The following RFK variants were observed in gnomAD, a reference collection of about 807,000 sequenced individuals.
The protein encoded by RFK is riboflavin kinase.
RFK carries 4 observed loss-of-function variants against 17.6 expected under a neutral mutation model. That is an observed-to-expected ratio of 0.23 (90% confidence interval 0.11 to 0.52). The LOEUF (loss-of-function observed/expected upper bound fraction) is 0.52, where lower values mean the gene tolerates loss of function less well. Ranked by LOEUF, RFK falls within the 20% of genes least tolerant of loss-of-function variation. The probability of loss-of-function intolerance (pLI) is 0.96; values close to 1 mark genes in which losing one functional copy is unlikely to be tolerated. For synonymous variants in RFK, 59 were observed against 63.8 expected, an observed-to-expected ratio of 0.92 and a Z score of 0.36; for missense variants, 189 against 187.7, an observed-to-expected ratio of 1.01 and a Z score of -0.04.
intron 2 of RFK, among the ~76,000 whole-genome samples, chr9:76,390,359 T>C (rs778302114): frequency 7.9e-5 from 12 of 152,140 alleles, no homozygotes; most frequent in Non-Finnish European, 1.8e-4. Context: ...TTGAACTGGA[T>C]TGTATTAAAA....
At chr9:76,388,068 A>G in intron 3 of RFK, 1 of 346,450 alleles carries the variant, frequency 2.9e-6, no homozygotes, top group Non-Finnish European at 5.6e-6. Flanking sequence ...ATAAATGTAC[A>G]CTGCAAATAT....
chr9:76,392,947 G>T (rs1822836257), intron 1 of RFK, among the ~76,000 whole-genome samples: 1 of 152,098 alleles, frequency 6.6e-6, no homozygotes, highest in Admixed American at 6.6e-5. Flanking sequence ...TCACATGCAA[G>T]GCTAATGTAA....
At chr9:76,389,588 G>A (rs926031310) in intron 2 of RFK, among the ~76,000 whole-genome samples, 6 of 151,894 alleles carry the variant, frequency 4.0e-5, no homozygotes, top group Admixed American at 2.0e-4. Flanking sequence ...GGTGGAACCC[G>A]GTACTCTACT....
chr9:76,387,065 G>T lies in RFK; in HGVS notation c.*334C>A. Reference sequence around the variant, plus strand: ...GTACACACTACACAAGTACATACATGCTGGCATTTTACCATGAAAATTTTA... The same window carrying T: ...GTACACACTACACAAGTACATACATTCTGGCATTTTACCATGAAAATTTTA... On this transcript the variant is annotated 3_prime_UTR_variant, in exon 4 of 4. Transcript: ENST00000376736. 1 of 196,050 alleles carries T rather than the reference G, an allele frequency of 5.1e-6. No individual in the cohort carries two copies. The highest frequency in any genetic ancestry group is 5.5e-5 in the Admixed American group (1 of 18,318). 12.1% of individuals were successfully genotyped at this position (196,050 alleles called of 1,614,324 possible).
At chr9:76,388,727 GT>G in intron 2 of RFK, 71 bp from the exon 3 acceptor site, 1 of 824,406 alleles carries the variant, frequency 1.2e-6, no homozygotes, top group Non-Finnish European at 2.0e-6. Flanking sequence ...ACATCTTCAT[GT>G]TTATGGTGAG....
At chr9:76,388,360 C>T in intron 3 of RFK, 194 bp downstream of exon 3, 1 of 641,456 alleles carries the variant, frequency 1.6e-6, no homozygotes, top group East Asian at 2.9e-5. Flanking sequence ...GTGCCATTTC[C>T]TCATCTGAGA....
chr9:76,388,559 G>C lies in RFK; in HGVS notation c.332C>G (p.Ser111Cys). 1.3e-6 allele frequency: 2 copies of C among 1,593,608 alleles called. No individual in the cohort carries two copies. The highest frequency in any genetic ancestry group is 2.2e-5 in the East Asian group (1 of 44,794). The change falls in exon 3 of 4, where the codon TCT (serine) becomes TGT (cysteine). Residue 111 changes from serine to cysteine, a missense_variant. This residue lies in a region of RFK where 95 missense variants were observed against 95.7 expected (regional missense o/e 0.99). Transcript: ENST00000376736. ...AGATCAAAATAAGAACTTACCTAAA[G>C]AATCAAAGTTCTTTTCTGGTCTCAG... ...GYLRPEKNFDSLESLISAIQG... is the reference protein window; with the variant it reads ...GYLRPEKNFDCLESLISAIQG...
At chr9:76,389,589 G>A (rs1455100601) in intron 2 of RFK, among the ~76,000 whole-genome samples, 1 of 151,960 alleles carries the variant, frequency 6.6e-6, no homozygotes, top group East Asian at 1.9e-4. Flanking sequence ...GTGGAACCCG[G>A]TACTCTACTA....
chr9:76,390,162 T>A (rs976032932), intron 2 of RFK, among the ~76,000 whole-genome samples: 1 of 152,152 alleles, frequency 6.6e-6, no homozygotes, highest in Admixed American at 6.5e-5. Context: ...CTGGGTCAAT[T>A]CTACATCCAT....
At position 76,386,951 on chromosome 9, in the gene RFK, C is replaced by T. The variant is rs1254352111; in HGVS notation, c.*448G>A. ...TCATGAGCTCAAGCAATCCTCCCACCTCGGCCTCCCAAAGTGCTGGGATTA... is the reference window on the plus strand; with the variant it reads ...TCATGAGCTCAAGCAATCCTCCCACTTCGGCCTCCCAAAGTGCTGGGATTA... On this transcript the variant is annotated 3_prime_UTR_variant, in exon 4 of 4. Coordinates refer to ENST00000376736, the MANE Select transcript of RFK (RefSeq NM_018339.6). 1 of 152,824 alleles carries T rather than the reference C, an allele frequency of 6.5e-6. No individual in the cohort carries two copies. The highest frequency in any genetic ancestry group is 1.9e-4 in the East Asian group (1 of 5,206). The allele number at this position is 152,824 out of a possible 1,614,324, so 9.5% of individuals were successfully genotyped here. A position where few individuals can be genotyped will look rare whatever the true frequency, so the allele number is the denominator to read the frequency against.
rs775924853 is a variant in RFK at position 76,392,578 on chromosome 9, C to A, written c.83-9G>T. Reference sequence around the variant, plus strand: ...TTGCTCAGGAAAATTAGCTAAACAACAGAAGAAAATATTTTGAGTCTTACA... The same window carrying A: ...TTGCTCAGGAAAATTAGCTAAACAAAAGAAGAAAATATTTTGAGTCTTACA... On this transcript the variant is annotated splice_polypyrimidine_tract_variant and intron_variant, in intron 1 of 3. Transcript: ENST00000376736. 6.2e-7 allele frequency: 1 copy of A among 1,613,820 alleles called. No individual in the cohort carries two copies. Among genetic ancestry groups the A allele is most frequent in the Non-Finnish European group, 8.5e-7 (1 of 1,179,796 alleles).
At chr9:76,393,308 G>A (rs1822842554) in intron 1 of RFK, among the ~76,000 whole-genome samples, 2 of 151,764 alleles carry the variant, frequency 1.3e-5, no homozygotes, top group South Asian at 4.2e-4. Context: ...CTGGGTTCAA[G>A]CGATTCTCCT....
intron 3 of RFK, chr9:76,388,017 G>T (rs1472990373): frequency 1.4e-5 from 4 of 289,652 alleles, no homozygotes; most frequent in African/African-American, 9.2e-5. Flanking sequence ...AACAAACAAA[G>T]GTATGTCCCT....
At chr9:76,388,479 T>A (rs897353755) in intron 3 of RFK, 75 bp downstream of exon 3, 5 of 874,086 alleles carry the variant, frequency 5.7e-6, no homozygotes, top group Non-Finnish European at 7.7e-6. Flanking sequence ...CCTGCCATCA[T>A]TATTACTGGT....
intron 3 of RFK, 123 bp from the exon 4 acceptor site, chr9:76,387,652 CAATA>C: frequency 1.2e-6 from 1 of 848,912 alleles, no homozygotes; most frequent in Non-Finnish European, 1.8e-6. Flanking sequence ...GGTAGATACC[CAATA>C]AATGTTTGTT....
Position 76,394,291 on chromosome 9 carries a change from CG to C in RFK, c.-121del. ...ACAGGAGCGTGAGCTCTGCCTGCCG[CG>C]GGGGCGCACCAGTGGCCGGACGACG... On this transcript the variant is annotated 5_prime_UTR_variant, in exon 1 of 4. Transcript: ENST00000376736. The C allele has an allele frequency of 1.1e-6, 1 of 938,224 alleles. No individual in the cohort carries two copies. The highest frequency in any genetic ancestry group is 1.5e-6 in the Non-Finnish European group (1 of 659,462). 58.1% of individuals were successfully genotyped at this position (938,224 alleles called of 1,614,324 possible).
In RFK at chr9:76,387,443, T is replaced by G; in HGVS notation, c.424A>C (p.Asn142His). 1 of 1,611,322 alleles carries G rather than the reference T, an allele frequency of 6.2e-7. No individual in the cohort carries two copies. Among genetic ancestry groups the G allele is most frequent in the Non-Finnish European group, 8.5e-7 (1 of 1,179,314 alleles). ...TTGCTTTTAGAAACCTGGAAGAAAT[T>G]GTCTTCTTTGATTTTCAAATGTTCT... Reference protein sequence around the residue: ...LPEHLKIKEDNFFQVSKSKIM... With the variant: ...LPEHLKIKEDHFFQVSKSKIM... Residue 142 changes from asparagine to histidine, a missense_variant, in exon 4 of 4, where the codon AAT (asparagine) becomes CAT (histidine). Physicochemically the swap from Asn to His is moderately conservative, Grantham distance 68 (BLOSUM62 1). This residue lies in a region of RFK where 95 missense variants were observed against 95.7 expected (regional missense o/e 0.99). Transcript: ENST00000376736.
Position 76,394,162 on chromosome 9 carries a change from G to C in RFK, c.10C>G (p.Leu4Val), listed in dbSNP as rs1359226551. 6.2e-7 allele frequency: 1 copy of C among 1,605,786 alleles called. No individual in the cohort carries two copies. The highest frequency in any genetic ancestry group is 1.1e-5 in the South Asian group (1 of 89,468). Reference sequence around the variant, plus strand: ...ACTTGACCCCGGCAGAAGTAAGGCAGGTGCCTCATAATGCAGTCCGCTCGG... The same window carrying C: ...ACTTGACCCCGGCAGAAGTAAGGCACGTGCCTCATAATGCAGTCCGCTCGG... MRH[L>V]PYFCRGQVVR... The change falls in exon 1 of 4, where the codon CTG (leucine) becomes GTG (valine). Residue 4 changes from leucine (L) to valine (V), a missense_variant. Physicochemically the swap from Leu to Val is conservative, Grantham distance 32. Transcript: ENST00000376736.
intron 3 of RFK, chr9:76,388,047 A>G (rs538356675): frequency 6.4e-6 from 2 of 314,506 alleles, no homozygotes; most frequent in East Asian, 9.3e-5. Context: ...TTTTAAGAGA[A>G]AGGCATAGGC....
Sources: allele counts gnomAD v4.1 joint callset (sites outside exome capture counted in the v4.1 genomes callset), GRCh38; gene constraint gnomAD v4.1.1; regional missense constraint gnomAD v4.1.1; transcripts MANE v1.5; gene names NCBI Gene and HGNC (gene_info 2026-07-23, HGNC 2026-07-21).